The following SVIL variants were observed in gnomAD, a reference collection of about 807,000 sequenced individuals.
SVIL encodes archvillin.
SVIL carries 101 observed loss-of-function variants against 240.4 expected under a neutral mutation model. That is an observed-to-expected ratio of 0.42 (90% CI 0.36 to 0.50). The LOEUF (loss-of-function observed/expected upper bound fraction) is 0.50, where lower values mean the gene tolerates loss of function less well. SVIL is among the 20% of genes least tolerant of loss of function. The probability of loss-of-function intolerance (pLI) is 0.01; values close to 1 mark genes in which losing one functional copy is unlikely to be tolerated. For synonymous variants in SVIL, 999 were observed against 1,100.0 expected, an observed-to-expected ratio of 0.91 and a Z score of 1.82; for missense variants, 2,512 against 2,818.7, an observed-to-expected ratio of 0.89 and a Z score of 2.46.
At chr10:29,709,261 A>AC (rs1409151139) in intron 1 of SVIL, among the ~76,000 whole-genome samples, 6 of 152,138 alleles carry the variant, frequency 3.9e-5, no homozygotes, top group African/African-American at 1.4e-4. Context: ...CTAATCCAAA[A>AC]CTCTGACACC....
intron 3 of SVIL, among the ~76,000 whole-genome samples, chr10:29,648,817 A>G (rs1456221430): frequency 6.8e-6 from 1 of 147,860 alleles, no homozygotes; most frequent in Non-Finnish European, 1.5e-5. Context: ...ACAGCTGGGA[A>G]AAAAAAAAAA....
At chr10:29,486,943 C>G (rs1947463247) in intron 24 of SVIL, among the ~76,000 whole-genome samples, 1 of 152,138 alleles carries the variant, frequency 6.6e-6, no homozygotes, top group Non-Finnish European at 1.5e-5. Flanking sequence ...AACCCAGGAC[C>G]TAAACACTGG....
intron 3 of SVIL, among the ~76,000 whole-genome samples, chr10:29,640,237 C>T (rs796971385): frequency 3.3e-5 from 5 of 152,316 alleles, no homozygotes; most frequent in African/African-American, 9.6e-5. Context: ...AACACACTCT[C>T]CTGAGGCTTC....
At chr10:29,525,861 G>A (rs1410404801) in intron 13 of SVIL, among the ~76,000 whole-genome samples, 1 of 152,172 alleles carries the variant, frequency 6.6e-6, no homozygotes, top group African/African-American at 2.4e-5. Flanking sequence ...GGTGTATAAT[G>A]AGGCCAGTGA....
chr10:29,602,677 A>G (rs753804371), intron 1 of SVIL, among the ~76,000 whole-genome samples: 330 of 152,308 alleles, frequency 2.2e-3, no homozygotes, highest in Non-Finnish European at 3.7e-3. Context: ...AAGACTAAAT[A>G]TAATTTTTTT....
intron 14 of SVIL, 108 bp downstream of exon 14, chr10:29,524,364 T>C: frequency 6.6e-7 from 1 of 1,522,638 alleles, no homozygotes; most frequent in Non-Finnish European, 8.9e-7. Context: ...CAGGTAGCAG[T>C]TTCCTGGTAG....
chr10:29,546,666 C>T (rs1952720861), intron 6 of SVIL, among the ~76,000 whole-genome samples: 1 of 152,146 alleles, frequency 6.6e-6, no homozygotes, highest in Non-Finnish European at 1.5e-5. Context: ...TGAGCACATT[C>T]AAAAACTGAG....
chr10:29,682,499 G>A (rs1960738012), intron 2 of SVIL, among the ~76,000 whole-genome samples: 1 of 152,182 alleles, frequency 6.6e-6, no homozygotes, highest in Non-Finnish European at 1.5e-5. Context: ...TCCTCCTGGA[G>A]CTTATCGTCT....
rs1162004590 is a variant in SVIL, at chr10:29,484,002, T to C, written c.4955+654A>G. ...CACTAGTTTTTTTTTGGTCTGATAG[T>C]TGAAAAAACAACAATCCTTTGCACG... is the stretch of plus-strand genomic sequence containing the variant. On this transcript the variant is annotated intron_variant, in intron 27 of 37. Coordinates refer to ENST00000355867, the MANE Select transcript of SVIL (RefSeq NM_021738.3). This position sits in a 1 kb window ranked among gnomAD's most constrained non-coding sequence, Gnocchi z 4.7. 6.6e-6 allele frequency: 1 copy of C among 152,242 alleles called. No homozygotes were observed. Among genetic ancestry groups the C allele is most frequent in the Admixed American group, 6.5e-5 (1 of 15,288 alleles). 9.4% of individuals were successfully genotyped at this position (152,242 alleles called of 1,614,324 possible).
At position 29,623,826 on chromosome 10, in the gene SVIL, G is replaced by A. The variant is rs1035789553; in HGVS notation, c.-201+10594C>T. On this transcript the variant is annotated intron_variant, in intron 1 of 37. Coordinates refer to ENST00000355867, the MANE Select transcript of SVIL (RefSeq NM_021738.3). ...AGATCACACCACTGCACTCCAGCCC[G>A]GGCCACAGAGCAAGACTCCATCTCA... 4.6e-5 allele frequency among the ~76,000 whole-genome samples: 7 copies of A among 152,156 alleles called. No individual in the cohort carries two copies. In the East Asian group the frequency reaches 1.2e-3, roughly 25 times the overall value.
intron 2 of SVIL, among the ~76,000 whole-genome samples, chr10:29,665,160 G>A (rs1959208402): frequency 6.7e-6 from 1 of 149,324 alleles, no homozygotes; most frequent in Non-Finnish European, 1.5e-5. Context: ...TCAGGAGTTC[G>A]AGGCTGCAGT....
chr10:29,630,386 G>A (rs188680010), intron 1 of SVIL, among the ~76,000 whole-genome samples: 2 of 152,308 alleles, frequency 1.3e-5, no homozygotes, highest in East Asian at 3.9e-4. Context: ...AAGGGGACAA[G>A]CACATTAGGA....
rs558528820 is a variant in SVIL, at chr10:29,524,522, T to C, written c.2536A>G (p.Met846Val). The C allele has an allele frequency of 5.3e-5, 85 of 1,614,218 alleles. 2 individuals carry two copies. The South Asian group carries it at 7.4e-4, about 14-fold the overall frequency. The part of the protein sequence containing the change: ...RNRIDTRQRR[M>V]NARYQTQPVT... ...GGCTGAGTTTGATAGCGAGCGTTCA[T>C]TCTCCTCTGTCTCGTGTCTATTCTG... The change falls in exon 14 of 38, where the codon ATG (methionine) becomes GTG (valine). Residue 846 changes from methionine (M) to valine (V), a missense_variant. Physicochemically the swap from Met to Val is conservative, Grantham distance 21. Around this residue, in one of 3 missense-constraint regions of SVIL, gnomAD observed 1,443 missense variants for 1,486.6 expected, o/e 0.97. Transcript: ENST00000355867.
At chr10:29,613,922 A>G (rs1475639649) in intron 1 of SVIL, among the ~76,000 whole-genome samples, 1 of 152,186 alleles carries the variant, frequency 6.6e-6, no homozygotes, top group Non-Finnish European at 1.5e-5. Context: ...CATCAGTAAG[A>G]AAGTTTTCCT....
At chr10:29,726,117 T>C (rs939503039) in intron 1 of SVIL, among the ~76,000 whole-genome samples, 15 of 152,072 alleles carry the variant, frequency 9.9e-5, no homozygotes, top group African/African-American at 3.6e-4. Context: ...AGATGGGGTC[T>C]TACTAAGTTG....
rs1031959098 is a variant in SVIL at position 29,543,583 on chromosome 10, G to T, written c.827+7014C>A. Among the ~76,000 whole-genome samples, 6 of 152,000 alleles carry T rather than the reference G, an allele frequency of 3.9e-5. No individual in the cohort carries two copies. In the East Asian group the frequency reaches 1.2e-3, roughly 29 times the overall value. On this transcript the variant is annotated intron_variant, in intron 6 of 37. Transcript: ENST00000355867. ...TCAAGACTTCATTAAATTTCACCTT[G>T]TTAGTTTCTAACCATTGTTCCGGGT...
At chr10:29,468,759 G>A (rs1029181351) in intron 32 of SVIL, among the ~76,000 whole-genome samples, 1 of 152,006 alleles carries the variant, frequency 6.6e-6, no homozygotes, top group African/African-American at 2.4e-5. Context: ...CTCATGAATG[G>A]AAAAATGCTC....
chr10:29,545,961 G>A (rs1175984125), intron 6 of SVIL, among the ~76,000 whole-genome samples: 2 of 151,258 alleles, frequency 1.3e-5, no homozygotes, highest in African/African-American at 4.9e-5. Context: ...CCTGAGAACA[G>A]AGAGTGATGG....
Position 29,458,226 on chromosome 10 carries a change from G to T in SVIL, c.*21C>A. The T allele has an allele frequency of 6.2e-7, 1 of 1,612,662 alleles. No individual in the cohort carries two copies. Among genetic ancestry groups the T allele is most frequent in the Non-Finnish European group, 8.5e-7 (1 of 1,179,072 alleles). ...TGGTGTTGTTGGACGTGACCGTGAG[G>T]CTCCTCTGGCGTCTCCCCACTCAGA... On this transcript the variant is annotated 3_prime_UTR_variant, in exon 38 of 38. Transcript: ENST00000355867.
Sources: allele counts gnomAD v4.1 joint callset (sites outside exome capture counted in the v4.1 genomes callset), GRCh38; gene constraint gnomAD v4.1.1; regional missense constraint gnomAD v4.1.1; non-coding constraint Gnocchi (gnomAD v3.1); transcripts MANE v1.5; gene names NCBI Gene and HGNC (gene_info 2026-07-23, HGNC 2026-07-21).